The following RAB1A variants were observed in gnomAD, a reference collection of about 807,000 sequenced individuals.
RAB1A encodes RAB1A, member RAS oncogene family, also known as ras-related protein Rab-1A.
In RAB1A, 2 loss-of-function variants were observed where a neutral mutation model predicts 26.0. The observed-to-expected ratio is 0.08, with a 90% CI of 0.03 to 0.24. The LOEUF (loss-of-function observed/expected upper bound fraction) is 0.24, where lower values mean the gene tolerates loss of function less well. Among genes scored for constraint, RAB1A ranks in the 10% least tolerant of loss-of-function variants. The pLI is 1.00. For synonymous variants in RAB1A, 84 were observed against 84.9 expected, an observed-to-expected ratio of 0.99 and a Z score of 0.06; for missense variants, 100 against 247.0, an observed-to-expected ratio of 0.40 and a Z score of 3.99.
chr2:65,092,580 T>C (rs1669196414), intron 3 of RAB1A, among the ~76,000 whole-genome samples: 1 of 152,234 alleles, frequency 6.6e-6, no homozygotes, highest in African/African-American at 2.4e-5. Context: ...GGAAAAATTG[T>C]TTTTTGACTA....
intron 2 of RAB1A, among the ~76,000 whole-genome samples, chr2:65,101,153 A>AC (rs1669416771): frequency 6.6e-6 from 1 of 151,272 alleles, no homozygotes; most frequent in South Asian, 2.1e-4. Flanking sequence ...CTCAAAAAAA[A>AC]AAAGAAAAAG....
intron 1 of RAB1A, among the ~76,000 whole-genome samples, chr2:65,120,511 G>A (rs891240360): frequency 7.1e-6 from 1 of 140,852 alleles, no homozygotes; most frequent in African/African-American, 2.6e-5. Flanking sequence ...CAGATTTAAA[G>A]CTAAGCTTTG....
intron 2 of RAB1A, 121 bp downstream of exon 2, chr2:65,104,609 TTAAA>T (rs1669510249): frequency 5.4e-6 from 4 of 740,630 alleles, no homozygotes; most frequent in Non-Finnish European, 8.9e-6. Flanking sequence ...TTTGGAGTCT[TTAAA>T]TATATAAATT....
chr2:65,111,132 C>T (rs999679512), intron 1 of RAB1A, among the ~76,000 whole-genome samples: 2 of 152,004 alleles, frequency 1.3e-5, no homozygotes, highest in Non-Finnish European at 2.9e-5. Flanking sequence ...GAGGCCAACG[C>T]GGGTGGATTG....
At chr2:65,117,136 G>A (rs1282546185) in intron 1 of RAB1A, among the ~76,000 whole-genome samples, 2 of 138,216 alleles carry the variant, frequency 1.4e-5, no homozygotes, top group African/African-American at 5.3e-5. Flanking sequence ...TGCAATCACA[G>A]TTCACGGCAG....
At chr2:65,103,292 T>G (rs1373015128) in intron 2 of RAB1A, among the ~76,000 whole-genome samples, 1 of 6,924 alleles carries the variant, frequency 1.4e-4, no homozygotes, top group African/African-American at 5.1e-4. Flanking sequence ...ACAGCCAGAA[T>G]CTGTCTCAAA....
At chr2:65,120,450 T>C (rs58342673) in intron 1 of RAB1A, among the ~76,000 whole-genome samples, 81,488 of 132,150 alleles carry the variant, frequency 0.62, 25,234 homozygotes, top group East Asian at 0.67. Flanking sequence ...AGCGACACCT[T>C]GTCTCAAAAA....
At chr2:65,091,343 T>C (rs1344042447) in intron 3 of RAB1A, among the ~76,000 whole-genome samples, 1 of 152,170 alleles carries the variant, frequency 6.6e-6, no homozygotes. Context: ...GTCATACTTT[T>C]CACATTCCCT....
chr2:65,119,569 A>C (rs1057047707), intron 1 of RAB1A, among the ~76,000 whole-genome samples: 10 of 142,342 alleles, frequency 7.0e-5, no homozygotes, highest in East Asian at 4.0e-4. Context: ...TCAAAAAAAA[A>C]CAAAAAAACA....
Position 65,088,969 on chromosome 2 carries a change from T to C in RAB1A, c.390A>G (p.Thr130=). 1 of 1,607,816 alleles carries C rather than the reference T, an allele frequency of 6.2e-7. No individual in the cohort carries two copies. Residue 130 remains threonine (T), a synonymous_variant, in exon 5 of 6, where the codon ACA becomes ACG. Transcript: ENST00000409784. The part of the protein sequence containing the change: ...LLVGNKCDLT[T]KKVVDYTTAK... ...CTGTTGTGTAGTCTACTACTTTCTT[T>C]GTGGTCAGATCACATTTGTTCCCTA...
At chr2:65,129,753 C>A (rs1558591543) in intron 1 of RAB1A, 140 bp downstream of exon 1, 6 of 1,389,388 alleles carry the variant, frequency 4.3e-6, no homozygotes, top group African/African-American at 2.9e-5. Context: ...GCCCGACTCC[C>A]GGCCGCCAGC....
At position 65,106,349 on chromosome 2, in the gene RAB1A, G is replaced by A. The variant is rs78977575; in HGVS notation, c.24-1543C>T. On this transcript the variant is annotated intron_variant, in intron 1 of 5. Coordinates refer to ENST00000409784, the MANE Select transcript of RAB1A (RefSeq NM_004161.5). ...AAAAATATGCTAAAGTGAAAACCAC[G>A]TCACAATTTAGATTAAAATTATTTA... The A allele has an allele frequency of 2.0e-3, 613 of 311,222 alleles. 2 individuals carry two copies. The highest frequency in any genetic ancestry group is 0.013 in the African/African-American group (558 of 43,568). The allele number at this position is 311,222 out of a possible 1,614,324, so 19.3% of individuals were successfully genotyped here. A position where few individuals can be genotyped will look rare whatever the true frequency, so the allele number is the denominator to read the frequency against.
In RAB1A at chr2:65,130,000, A is replaced by G; in HGVS notation, c.-85T>C. The G allele has an allele frequency of 6.9e-7, 1 of 1,453,882 alleles. No individual in the cohort carries two copies. The highest frequency in any genetic ancestry group is 9.4e-7 in the Non-Finnish European group (1 of 1,059,222). The allele number at this position is 1,453,882 out of a possible 1,614,324, so 90.1% of individuals were successfully genotyped here. A position where few individuals can be genotyped will look rare whatever the true frequency, so the allele number is the denominator to read the frequency against. On this transcript the variant is annotated 5_prime_UTR_variant, in exon 1 of 6. Transcript: ENST00000409784. The stretch of plus-strand genomic sequence containing the variant: ...TCTCCGCGCCACGGGTAATCGAAAG[A>G]AAGGAATGAGATAGGCTGTTCCGGG...
In RAB1A at chr2:65,088,032, A is replaced by T. The variant is rs1358461354; in HGVS notation, c.*461T>A. ...GTAATCTTTCCATTTATAACTCTACAAGGAAGAACTAGCAAATCAGATCTT... is the reference window on the plus strand; with the variant it reads ...GTAATCTTTCCATTTATAACTCTACTAGGAAGAACTAGCAAATCAGATCTT... On this transcript the variant is annotated 3_prime_UTR_variant, in exon 6 of 6. Transcript: ENST00000409784. 6.5e-6 allele frequency: 1 copy of T among 154,646 alleles called. No homozygotes were observed. The highest frequency in any genetic ancestry group is 6.5e-5 in the Admixed American group (1 of 15,414). The allele number at this position is 154,646 out of a possible 1,614,324, so 9.6% of individuals were successfully genotyped here.
intron 1 of RAB1A, among the ~76,000 whole-genome samples, chr2:65,119,203 T>C (rs1439894933): frequency 2.0e-5 from 3 of 149,938 alleles, no homozygotes; most frequent in African/African-American, 7.4e-5. Flanking sequence ...AGACCCTGTC[T>C]CAAAAATAAA....
intron 2 of RAB1A, among the ~76,000 whole-genome samples, chr2:65,101,924 T>C (rs1318225536): frequency 1.3e-5 from 2 of 151,940 alleles, no homozygotes; most frequent in African/African-American, 4.8e-5. Flanking sequence ...TAATTTTGTA[T>C]TTTTAGTAGA....
chr2:65,113,109 T>A (rs893291901), intron 1 of RAB1A, among the ~76,000 whole-genome samples: 6 of 152,170 alleles, frequency 3.9e-5, no homozygotes, highest in Admixed American at 6.6e-5. Context: ...ACATTAGAAT[T>A]GTCTTTTGCT....
At chr2:65,120,442 C>T (rs1319975205) in intron 1 of RAB1A, among the ~76,000 whole-genome samples, 3 of 123,430 alleles carry the variant, frequency 2.4e-5, no homozygotes, top group African/African-American at 3.4e-5. Context: ...GGGGACAAAG[C>T]GACACCTTGT....
intron 1 of RAB1A, among the ~76,000 whole-genome samples, chr2:65,126,914 T>C (rs1670113783): frequency 1.3e-5 from 2 of 152,218 alleles, no homozygotes; most frequent in South Asian, 4.1e-4. Context: ...AAAAAGAAAC[T>C]GCTTAAGTCA....
Sources: allele counts gnomAD v4.1 joint callset (sites outside exome capture counted in the v4.1 genomes callset), GRCh38; gene constraint gnomAD v4.1.1; transcripts MANE v1.5; gene names NCBI Gene and HGNC (gene_info 2026-07-23, HGNC 2026-07-21).